The following XRCC5 variants were observed in gnomAD, a reference collection of about 807,000 sequenced individuals.
The protein encoded by XRCC5 is X-ray repair cross complementing 5, also known as DNA repair protein Ku80.
A neutral mutation model predicts 95.7 loss-of-function variants in XRCC5; 12 were observed. That is an observed-to-expected ratio of 0.13 (90% CI 0.08 to 0.20). The LOEUF (loss-of-function observed/expected upper bound fraction) is 0.20, where lower values mean the gene tolerates loss of function less well. Ranked by LOEUF, XRCC5 falls within the 10% of genes least tolerant of loss-of-function variation. The pLI, the probability that XRCC5 is intolerant of heterozygous loss-of-function variation, is 1.00. For synonymous variants in XRCC5, 281 were observed against 290.3 expected, an observed-to-expected ratio of 0.97 and a Z score of 0.33; for missense variants, 595 against 873.9, an observed-to-expected ratio of 0.68 and a Z score of 4.02.
At chr2:216,142,661 T>C (rs1371791683) in intron 13 of XRCC5, among the ~76,000 whole-genome samples, 3 of 152,102 alleles carry the variant, frequency 2.0e-5, no homozygotes, top group African/African-American at 4.8e-5. Context: ...AGAGGGCCCT[T>C]TTCTGCAGGT....
intron 16 of XRCC5, among the ~76,000 whole-genome samples, chr2:216,183,612 A>G (rs1489832014): frequency 6.6e-6 from 1 of 152,194 alleles, no homozygotes; most frequent in Non-Finnish European, 1.5e-5. Flanking sequence ...CATGCATAAT[A>G]TTATGGCTGT....
chr2:216,164,873 A>G (rs765478684), intron 16 of XRCC5, among the ~76,000 whole-genome samples: 2 of 152,228 alleles, frequency 1.3e-5, no homozygotes, highest in Non-Finnish European at 2.9e-5. Context: ...GCACCTGAGC[A>G]CACAGGAGGC....
chr2:216,205,861 G>C lies in XRCC5; in HGVS notation c.*659G>C, dbSNP rs1260380680. On this transcript the variant is annotated 3_prime_UTR_variant, in exon 21 of 21. Transcript: ENST00000392132. ...ATACTCCTTTTAAGCAGTGAGTTAT[G>C]GTGGTGGTCTCATGAAGAAAAGACC... The C allele has an allele frequency of 3.3e-5, 5 of 152,202 alleles. No individual in the cohort carries two copies. The highest frequency in any genetic ancestry group is 3.3e-4 in the Admixed American group (5 of 15,270). 9.4% of individuals were successfully genotyped at this position (152,202 alleles called of 1,614,324 possible).
chr2:216,188,534 G>A (rs1482560976), intron 16 of XRCC5, among the ~76,000 whole-genome samples: 1 of 152,180 alleles, frequency 6.6e-6, no homozygotes, highest in Non-Finnish European at 1.5e-5. Context: ...CAAAAGAAAT[G>A]GAGAATTTAG....
At chr2:216,136,534 G>A (rs1444877149) in intron 10 of XRCC5, among the ~76,000 whole-genome samples, 1 of 152,040 alleles carries the variant, frequency 6.6e-6, no homozygotes, top group African/African-American at 2.4e-5. Context: ...TGTTTTTGAA[G>A]CCATGAAGGA....
At chr2:216,111,228 T>C (rs569725493) in intron 1 of XRCC5, among the ~76,000 whole-genome samples, 1 of 152,114 alleles carries the variant, frequency 6.6e-6, no homozygotes, top group Non-Finnish European at 1.5e-5. Flanking sequence ...AGTTGTCAAA[T>C]ATCTGGGGGG....
chr2:216,143,831 C>T (rs185570023), intron 13 of XRCC5, among the ~76,000 whole-genome samples: 165 of 151,906 alleles, frequency 1.1e-3, no homozygotes, highest in Non-Finnish European at 2.0e-3. Context: ...CTCAGCCTCC[C>T]GAGTAGCTGG....
intron 2 of XRCC5, among the ~76,000 whole-genome samples, chr2:216,113,369 G>A (rs117034838): frequency 6.6e-6 from 1 of 152,296 alleles, no homozygotes; most frequent in East Asian, 1.9e-4. Context: ...ACAAGAGGCA[G>A]TAAAAAGTAA....
intron 13 of XRCC5, among the ~76,000 whole-genome samples, chr2:216,145,976 G>A (rs1688622686): frequency 6.6e-6 from 1 of 152,178 alleles, no homozygotes; most frequent in Non-Finnish European, 1.5e-5. Flanking sequence ...AACCAAGGGA[G>A]AGCACTGTGA....
At chr2:216,168,852 A>C (rs959574916) in intron 16 of XRCC5, among the ~76,000 whole-genome samples, 2 of 152,248 alleles carry the variant, frequency 1.3e-5, no homozygotes, top group African/African-American at 4.8e-5. Flanking sequence ...TGATAGATAA[A>C]CTAAAATTGG....
chr2:216,167,600 GT>G, intron 16 of XRCC5, among the ~76,000 whole-genome samples: 1 of 110,028 alleles, frequency 9.1e-6, no homozygotes, highest in South Asian at 3.5e-4. Context: ...GTGTGTGTGT[GT>G]GTGTGTGTGT....
At chr2:216,180,163 A>C (rs1433553938) in intron 16 of XRCC5, among the ~76,000 whole-genome samples, 1 of 152,196 alleles carries the variant, frequency 6.6e-6, no homozygotes, top group Admixed American at 6.5e-5. Flanking sequence ...AGCCATAGAG[A>C]CTTTAAGACA....
chr2:216,131,420 G>T (rs1574458454), intron 9 of XRCC5, among the ~76,000 whole-genome samples: 1 of 152,268 alleles, frequency 6.6e-6, no homozygotes, highest in Admixed American at 6.5e-5. Context: ...ATAAACCGCA[G>T]GCTCCAGATT....
intron 1 of XRCC5, among the ~76,000 whole-genome samples, chr2:216,111,785 C>T (rs748522156): frequency 6.6e-6 from 1 of 152,102 alleles, no homozygotes; most frequent in Non-Finnish European, 1.5e-5. Flanking sequence ...CCAGAAAGGA[C>T]CTTAAACCTC....
At chr2:216,112,137 G>C (rs1412889587) in intron 1 of XRCC5, among the ~76,000 whole-genome samples, 7 of 152,158 alleles carry the variant, frequency 4.6e-5, no homozygotes, top group Non-Finnish European at 2.9e-5. Flanking sequence ...TGGAAGCCAG[G>C]TATAAATAAC....
intron 10 of XRCC5, among the ~76,000 whole-genome samples, chr2:216,134,950 G>A (rs1056724530): frequency 6.6e-6 from 1 of 152,148 alleles, no homozygotes; most frequent in Non-Finnish European, 1.5e-5. Context: ...CAAGGACTTG[G>A]CTTTGTTTTT....
chr2:216,154,413 C>T (rs1446176830), intron 14 of XRCC5, among the ~76,000 whole-genome samples: 5 of 152,322 alleles, frequency 3.3e-5, no homozygotes, highest in African/African-American at 1.2e-4. Context: ...TAGTGACTAG[C>T]ACATGGTAAG....
intron 6 of XRCC5, among the ~76,000 whole-genome samples, chr2:216,125,183 C>CT (rs779285378): frequency 1.1e-4 from 16 of 143,540 alleles, no homozygotes; most frequent in African/African-American, 1.5e-4. Flanking sequence ...AACAGAGGTT[C>CT]TTTTTTTTTT....
chr2:216,189,511 A>C (rs997939227), intron 16 of XRCC5, among the ~76,000 whole-genome samples: 1 of 152,184 alleles, frequency 6.6e-6, no homozygotes, highest in Non-Finnish European at 1.5e-5. Context: ...GGTGTAATCT[A>C]CTTTGGAAAT....
Sources: allele counts gnomAD v4.1 joint callset (sites outside exome capture counted in the v4.1 genomes callset), GRCh38; gene constraint gnomAD v4.1.1; transcripts MANE v1.5; gene names NCBI Gene and HGNC (gene_info 2026-07-23, HGNC 2026-07-21).